FKBP1B: variants seen among roughly 807,000 people sequenced by gnomAD.
The protein encoded by FKBP1B is peptidyl-prolyl cis-trans isomerase FKBP1B.
Under a neutral mutation model 13.5 loss-of-function variants are expected in FKBP1B, and 4 were observed. The ratio of observed to expected loss-of-function variants is 0.30; its 90% CI spans 0.15 to 0.68. The LOEUF (loss-of-function observed/expected upper bound fraction) is 0.68. Among genes scored for constraint, FKBP1B ranks in the 30% least tolerant of loss-of-function variants. The probability of loss-of-function intolerance (pLI) is 0.76; values close to 1 mark genes in which losing one functional copy is unlikely to be tolerated. For missense variants in FKBP1B, 93 were observed against 136.2 expected, an observed-to-expected ratio of 0.68 and a Z score of 1.58; for synonymous variants, 54 against 53.6, an observed-to-expected ratio of 1.01 and a Z score of -0.03.
At chr2:24,055,888 C>T (rs1267305171) in intron 2 of FKBP1B, among the ~76,000 whole-genome samples, 1 of 152,220 alleles carries the variant, frequency 6.6e-6, no homozygotes, top group Non-Finnish European at 1.5e-5. Flanking sequence ...TGTCTGACAG[C>T]TTTCCAAAGT....
At chr2:24,060,995 A>G in intron 3 of FKBP1B, 69 bp downstream of exon 3, 2 of 1,139,094 alleles carry the variant, frequency 1.8e-6, no homozygotes, top group South Asian at 2.6e-5. Flanking sequence ...TCTGCCCTCC[A>G]CCTCCACCTT....
rs1664500877 is a variant in FKBP1B, at chr2:24,063,582, A to G, written c.*390A>G. 4.2e-6 allele frequency: 1 copy of G among 239,986 alleles called. No homozygotes were observed. The highest frequency in any genetic ancestry group is 2.2e-5 in the African/African-American group (1 of 45,600). The allele number at this position is 239,986 out of a possible 1,614,324, so 14.9% of individuals were successfully genotyped here. On this transcript the variant is annotated 3_prime_UTR_variant, in exon 4 of 4. Transcript: ENST00000380986. The stretch of plus-strand genomic sequence containing the variant: ...GTACACAGAGGGACTTGAGCCAGTT[A>G]CCTTTGCTGTCACTTTCTCTCTTAT...
At chr2:24,042,312 C>A in the FKBP1B span, among the ~76,000 whole-genome samples, 2 of 151,752 alleles carry the variant, frequency 1.3e-5, no homozygotes, top group African/African-American at 2.4e-5. Context: ...CCGAGGCAGG[C>A]GGATCACGAG....
the FKBP1B span, among the ~76,000 whole-genome samples, chr2:24,035,929 T>C: frequency 2.0e-4 from 31 of 151,554 alleles, no homozygotes; most frequent in Non-Finnish European, 4.0e-4. Flanking sequence ...ATTAGCCAGG[T>C]GTGGTGGCAC....
chr2:24,035,612 T>C, the FKBP1B span, among the ~76,000 whole-genome samples: 4 of 152,008 alleles, frequency 2.6e-5, no homozygotes, highest in African/African-American at 4.8e-5. Context: ...AATAAAATAA[T>C]TTTAAAAAAA....
chr2:24,063,479 T>A lies in FKBP1B; in HGVS notation c.*287T>A. 1.8e-5 allele frequency: 6 copies of A among 328,390 alleles called. No individual in the cohort carries two copies. Among genetic ancestry groups the A allele is most frequent in the South Asian group, 1.0e-4 (1 of 9,626 alleles). The allele number at this position is 328,390 out of a possible 1,614,324, so 20.3% of individuals were successfully genotyped here. A position where few individuals can be genotyped will look rare whatever the true frequency, so the allele number is the denominator to read the frequency against. ...TGATGACAGAACACAGATCTCTTGT[T>A]CGCACAATCTACACTGCCTTACCTT... On this transcript the variant is annotated 3_prime_UTR_variant, in exon 4 of 4. Transcript: ENST00000380986.
intron 3 of FKBP1B, 172 bp from the exon 4 acceptor site, chr2:24,062,892 G>A (rs576011350): frequency 1.9e-4 from 180 of 944,810 alleles, no homozygotes; most frequent in South Asian, 6.7e-4. Flanking sequence ...CAGAATCTGC[G>A]TTTGTTAAAG....
chr2:24,043,564 T>C, the FKBP1B span, among the ~76,000 whole-genome samples: 1 of 152,216 alleles, frequency 6.6e-6, no homozygotes, highest in African/African-American at 2.4e-5. Context: ...TTAACCTTAT[T>C]AGTTATCAAA....
At chr2:24,041,110 G>A in the FKBP1B span, among the ~76,000 whole-genome samples, 10 of 151,752 alleles carry the variant, frequency 6.6e-5, no homozygotes, top group Non-Finnish European at 1.3e-4. Flanking sequence ...AGGCTGAGGC[G>A]GGTGGATCAC....
rs1663790303 is a variant in FKBP1B, at chr2:24,050,065, C to G, written c.37+179C>G. Among the ~76,000 whole-genome samples, 1 of 151,976 alleles carries G rather than the reference C, an allele frequency of 6.6e-6. No homozygotes were observed. The highest frequency in any genetic ancestry group is 1.5e-5 in the Non-Finnish European group (1 of 67,964). ...GTCTAGGAGACCATCCTCCGCCATC[C>G]TCTTCCGCGCTCACCTAGGGGAATG... is the stretch of plus-strand genomic sequence containing the variant. On this transcript the variant is annotated intron_variant, in intron 1 of 3. Coordinates refer to ENST00000380986, the MANE Select transcript of FKBP1B (RefSeq NM_004116.5). The surrounding 1 kb of genome is among the most constrained non-coding windows in gnomAD (Gnocchi z 5.8).
the FKBP1B span, among the ~76,000 whole-genome samples, chr2:24,035,999 T>C: frequency 6.8e-6 from 1 of 147,792 alleles, no homozygotes; most frequent in African/African-American, 2.5e-5. Context: ...AACCTGGGAG[T>C]TGGAGGTTGC....
chr2:24,063,251 C>T lies in FKBP1B; in HGVS notation c.*59C>T. The T allele has an allele frequency of 1.3e-6, 2 of 1,486,988 alleles. No homozygotes were observed. Among genetic ancestry groups the T allele is most frequent in the South Asian group, 2.7e-5 (2 of 74,280 alleles). 92.1% of individuals were successfully genotyped at this position (1,486,988 alleles called of 1,614,324 possible). ...CTGCTGCTCACCCTCCTAGCCTGCT[C>T]TGCCACTGGGACGGCTCCTGCTTTT... On this transcript the variant is annotated 3_prime_UTR_variant, in exon 4 of 4. Transcript: ENST00000380986.
chr2:24,048,227 T>G (rs1663694024), upstream of FKBP1B, among the ~76,000 whole-genome samples: 1 of 152,050 alleles, frequency 6.6e-6, no homozygotes, highest in Non-Finnish European at 1.5e-5. Context: ...CCCAGCACTT[T>G]GGGAGGCTGA....
At position 24,050,418 on chromosome 2, in the gene FKBP1B, C is replaced by A. The variant is rs899189267; in HGVS notation, c.37+532C>A. Among the ~76,000 whole-genome samples the A allele has an allele frequency of 4.6e-5, 7 of 152,184 alleles. No individual in the cohort carries two copies. The highest frequency in any genetic ancestry group is 1.0e-4 in the Non-Finnish European group (7 of 68,014). On this transcript the variant is annotated intron_variant, in intron 1 of 3. Transcript: ENST00000380986. This position sits in a 1 kb window ranked among gnomAD's most constrained non-coding sequence, Gnocchi z 5.8. ...GGGGGAAGCGCTCCCTTGCCCGCTT[C>A]CGGATCTCGCTTTATCCTGCCGCCG...
the FKBP1B span, among the ~76,000 whole-genome samples, chr2:24,035,846 A>G: frequency 0.02 from 3,046 of 151,926 alleles, 311 homozygotes; most frequent in Admixed American, 0.17. Context: ...CAAGGCGGGC[A>G]GATCACAAGG....
At chr2:24,042,907 C>T in the FKBP1B span, among the ~76,000 whole-genome samples, 2 of 151,354 alleles carry the variant, frequency 1.3e-5, no homozygotes, top group African/African-American at 4.9e-5. Context: ...GTGGCACATG[C>T]CTGTAATTCC....
At chr2:24,053,666 G>A (rs1473723233) in intron 1 of FKBP1B, among the ~76,000 whole-genome samples, 3 of 151,888 alleles carry the variant, frequency 2.0e-5, no homozygotes, top group Non-Finnish European at 4.4e-5. Context: ...TGGGGTGGTG[G>A]GAAAGCCCAG....
intron 2 of FKBP1B, among the ~76,000 whole-genome samples, chr2:24,057,870 T>C (rs1664209330): frequency 6.6e-6 from 1 of 151,986 alleles, no homozygotes; most frequent in African/African-American, 2.4e-5. Flanking sequence ...TTTCCCTTTA[T>C]GGTTAGTGCT....
upstream of FKBP1B, among the ~76,000 whole-genome samples, chr2:24,047,534 AG>A (rs976997246): frequency 8.5e-5 from 13 of 152,060 alleles, no homozygotes; most frequent in African/African-American, 2.9e-4. Flanking sequence ...GCACATTAGC[AG>A]AGGGTTCGTC....
Sources: allele counts gnomAD v4.1 joint callset (sites outside exome capture counted in the v4.1 genomes callset), GRCh38; gene constraint gnomAD v4.1.1; non-coding constraint Gnocchi (gnomAD v3.1); transcripts MANE v1.5; gene names NCBI Gene and HGNC (gene_info 2026-07-23, HGNC 2026-07-21).